The following RASGRF1 variants were observed in gnomAD, a reference collection of about 807,000 sequenced individuals.
RASGRF1 encodes ras-specific guanine nucleotide-releasing factor 1.
A neutral mutation model predicts 138.7 loss-of-function variants in RASGRF1; 40 were observed. That is an observed-to-expected ratio of 0.29 (90% CI 0.22 to 0.38). RASGRF1 has a LOEUF of 0.38. Among genes scored for constraint, RASGRF1 ranks in the 10% least tolerant of loss-of-function variants. RASGRF1 has a pLI of 1.00. For synonymous variants in RASGRF1, 614 were observed against 663.2 expected (o/e 0.93, Z 1.14); for missense variants, 1,108 against 1,650.4 (o/e 0.67, Z 5.69).
intron 22 of RASGRF1, among the ~76,000 whole-genome samples, chr15:78,988,839 G>GTTTTTTTT (rs555940270): frequency 7.9e-6 from 1 of 127,100 alleles, no homozygotes; most frequent in Non-Finnish European, 1.6e-5. Context: ...CTGGGAGGGA[G>GTTTTTTTT]TTTTTTTTTT....
chr15:78,966,609 G>A (rs1490768243), intron 26 of RASGRF1, among the ~76,000 whole-genome samples: 1 of 151,566 alleles, frequency 6.6e-6, no homozygotes, highest in Non-Finnish European at 1.5e-5. Context: ...TCTTATTTTA[G>A]ATATAAAATT....
intron 1 of RASGRF1, among the ~76,000 whole-genome samples, chr15:79,079,782 A>G (rs780837285): frequency 6.6e-6 from 1 of 152,228 alleles, no homozygotes; most frequent in Non-Finnish European, 1.5e-5. Context: ...ATGGACATGC[A>G]TTACCAATCC....
At chr15:79,088,648 G>C (rs1302762279) in intron 1 of RASGRF1, among the ~76,000 whole-genome samples, 2 of 152,174 alleles carry the variant, frequency 1.3e-5, no homozygotes, top group African/African-American at 2.4e-5. Context: ...AGGGATGGAG[G>C]GGGGATCTGG....
In RASGRF1 at chr15:79,023,178, A is replaced by G. The variant is rs529073053; in HGVS notation, c.1542+2136T>C. 2.2e-3 allele frequency among the ~76,000 whole-genome samples: 272 copies of G among 124,980 alleles called. 3 individuals carry two copies. Among genetic ancestry groups the G allele is most frequent in the East Asian group, 2.6e-3 (9 of 3,408 alleles). The allele number at this position is 124,980 out of a possible 152,430, so 82.0% of individuals were successfully genotyped here. A position where few individuals can be genotyped will look rare whatever the true frequency, so the allele number is the denominator to read the frequency against. ...GATAGACTGAAACTCCGTCTTGGGG[A>G]AAAAAAAAAAAAGCACCTTCTGGCC... On this transcript the variant is annotated intron_variant, in intron 10 of 26. Transcript: ENST00000558480.
intron 1 of RASGRF1, among the ~76,000 whole-genome samples, chr15:79,074,501 C>T (rs1009953188): frequency 6.6e-6 from 1 of 152,232 alleles, no homozygotes; most frequent in Non-Finnish European, 1.5e-5. Context: ...AGGGCCAGTA[C>T]CCTATGTGGA....
intron 20 of RASGRF1, among the ~76,000 whole-genome samples, chr15:78,992,263 G>A (rs961450999): frequency 6.6e-6 from 1 of 152,240 alleles, no homozygotes; most frequent in Admixed American, 6.5e-5. Context: ...TGGACTCCCA[G>A]GCGTGATTAG....
chr15:79,058,347 C>T lies in RASGRF1; in HGVS notation c.518G>A (p.Arg173Gln), dbSNP rs1278280678. The T allele has an allele frequency of 6.2e-7, 1 of 1,613,526 alleles. No individual in the cohort carries two copies. The highest frequency in any genetic ancestry group is 1.1e-5 in the South Asian group (1 of 91,072). Residue 173 changes from arginine to glutamine, a missense_variant, in exon 3 of 27, where the codon CGG (arginine) becomes CAG (glutamine). Arg to Gln is a conservative substitution (Grantham distance 43). Transcript: ENST00000558480. ...GCCCGCAGTCACCTCTGCCTTCAGC[C>T]GCTCGATCTCGATCTCCCCATCCTC... ...QIEDGEIEIE[R>Q]LKAEITSLLK...
At chr15:78,998,937 G>C in intron 17 of RASGRF1, 112 bp from the exon 18 acceptor site, 1 of 763,498 alleles carries the variant, frequency 1.3e-6, no homozygotes, top group Non-Finnish European at 2.3e-6. Flanking sequence ...GAGTGAGGGG[G>C]TCATGGGCAG....
chr15:79,043,593 T>C (rs1031875339), intron 5 of RASGRF1, among the ~76,000 whole-genome samples: 3 of 152,316 alleles, frequency 2.0e-5, no homozygotes, highest in Admixed American at 2.0e-4. Context: ...TATTTTTTCC[T>C]GGGATCAATA....
chr15:78,970,321 G>A (rs1279301108), intron 26 of RASGRF1, among the ~76,000 whole-genome samples: 1 of 152,130 alleles, frequency 6.6e-6, no homozygotes, highest in Non-Finnish European at 1.5e-5. Context: ...AGGAGTCTGA[G>A]ACCAGCCTGA....
chr15:79,065,796 G>A (rs1310465387), intron 1 of RASGRF1, among the ~76,000 whole-genome samples: 1 of 152,052 alleles, frequency 6.6e-6, no homozygotes, highest in African/African-American at 2.4e-5. Flanking sequence ...CGGTGTCCAG[G>A]TGGCAGGGAG....
At chr15:79,030,993 C>A in intron 8 of RASGRF1, among the ~76,000 whole-genome samples, 1 of 152,220 alleles carries the variant, frequency 6.6e-6, no homozygotes, top group East Asian at 1.9e-4. Flanking sequence ...CCACTACCTG[C>A]CTCTGGTTAA....
chr15:79,035,135 G>T lies in RASGRF1; in HGVS notation c.954C>A (p.Val318=). 1.9e-6 allele frequency: 3 copies of T among 1,612,228 alleles called. No individual in the cohort carries two copies. The highest frequency in any genetic ancestry group is 2.5e-6 in the Non-Finnish European group (3 of 1,178,512). ...CAGTGAGGGCTGACTACTCACCCAG[G>T]ACCAGCGTGGGCCAGCTGGAGATGC... ...KARISSWPTL[V]LADLFDILLP... The change falls in exon 6 of 27, where the codon GTC becomes GTA. Residue 318 remains valine (V), a synonymous_variant. Transcript: ENST00000558480.
At chr15:79,072,997 T>C (rs1223729314) in intron 1 of RASGRF1, among the ~76,000 whole-genome samples, 2 of 152,162 alleles carry the variant, frequency 1.3e-5, no homozygotes, top group Non-Finnish European at 2.9e-5. Context: ...TGGATCCCGG[T>C]TGGATTCCTC....
chr15:79,064,389 GGGGCTTCCTGCCCT>G lies in RASGRF1; in HGVS notation c.383+17_383+30del, dbSNP rs1308887246. On this transcript the variant is annotated intron_variant, in intron 2 of 26. Coordinates refer to ENST00000558480, the MANE Select transcript of RASGRF1 (RefSeq NM_001145648.3). ...TCTTTTCTGCCTGGACTGTGGAGTA[GGGGCTTCCTGCCCT>G]GGGCAAGGAGACATACCTGGCATGT... The G allele has an allele frequency of 3.1e-6, 5 of 1,597,352 alleles. No homozygotes were observed. Among genetic ancestry groups the G allele is most frequent in the Non-Finnish European group, 4.3e-6 (5 of 1,165,204 alleles).
At chr15:79,079,816 A>C (rs1025572939) in intron 1 of RASGRF1, among the ~76,000 whole-genome samples, 2 of 152,206 alleles carry the variant, frequency 1.3e-5, no homozygotes, top group African/African-American at 4.8e-5. Flanking sequence ...AAAAGAAAGC[A>C]ATGGCTATTT....
chr15:79,008,243 AC>A (rs1464896975), intron 13 of RASGRF1, among the ~76,000 whole-genome samples: 1 of 152,202 alleles, frequency 6.6e-6, no homozygotes, highest in East Asian at 1.9e-4. Flanking sequence ...TTTCTTAAAT[AC>A]TTTTCTTTGG....
chr15:78,995,375 G>A (rs1463582063), intron 20 of RASGRF1, among the ~76,000 whole-genome samples: 3 of 143,208 alleles, frequency 2.1e-5, no homozygotes, highest in Non-Finnish European at 4.6e-5. Context: ...TGCCACCTCC[G>A]CCTCCTGGGT....
chr15:79,045,477 C>T (rs992398598), intron 5 of RASGRF1, among the ~76,000 whole-genome samples: 3 of 152,200 alleles, frequency 2.0e-5, no homozygotes, highest in African/African-American at 7.2e-5. Flanking sequence ...CTGTGATCAA[C>T]ATGTCTATTA....
Sources: allele counts gnomAD v4.1 joint callset (sites outside exome capture counted in the v4.1 genomes callset), GRCh38; gene constraint gnomAD v4.1.1; transcripts MANE v1.5; gene names NCBI Gene and HGNC (gene_info 2026-07-23, HGNC 2026-07-21).